SERPINI1: variants seen among roughly 807,000 people sequenced by gnomAD.
SERPINI1 encodes serpin family I member 1, also known as neuroserpin.
A neutral mutation model predicts 41.1 loss-of-function variants in SERPINI1; 19 were observed. The observed-to-expected ratio is 0.46, with a 90% CI of 0.32 to 0.68. The LOEUF is 0.68. Among genes scored for constraint, SERPINI1 ranks in the 30% least tolerant of loss-of-function variants. The pLI is 0.03. For missense variants in SERPINI1, 460 were observed against 479.2 expected (o/e 0.96, Z 0.37); for synonymous variants, 138 against 156.6 (o/e 0.88, Z 0.89).
At chr3:167,783,867 T>A (rs1727219698) in intron 1 of SERPINI1, among the ~76,000 whole-genome samples, 1 of 152,204 alleles carries the variant, frequency 6.6e-6, no homozygotes. Flanking sequence ...TAGACACGTG[T>A]GTTTCCAGAG....
At chr3:167,773,811 A>G (rs1726872150) in intron 1 of SERPINI1, among the ~76,000 whole-genome samples, 1 of 152,214 alleles carries the variant, frequency 6.6e-6, no homozygotes, top group African/African-American at 2.4e-5. Flanking sequence ...AAAAAACAAA[A>G]CAGTAAAATT....
At chr3:167,825,121 GAGGAAGGAAGGA>G (rs35943442) in intron 8 of SERPINI1, 114 bp from the exon 9 acceptor site, 8 of 736,088 alleles carry the variant, frequency 1.1e-5, no homozygotes, top group South Asian at 1.5e-5. Context: ...GGAAGGACAG[GAGGAAGGAAGGA>G]AGGAAGGAAG....
At chr3:167,760,878 A>G (rs963785242) in intron 1 of SERPINI1, among the ~76,000 whole-genome samples, 39 of 152,214 alleles carry the variant, frequency 2.6e-4, no homozygotes, top group African/African-American at 8.9e-4. Context: ...GAGTTAAACC[A>G]AATGATTATT....
At chr3:167,759,684 A>G (rs1168437982) in intron 1 of SERPINI1, among the ~76,000 whole-genome samples, 4 of 152,056 alleles carry the variant, frequency 2.6e-5, no homozygotes, top group Admixed American at 6.6e-5. Flanking sequence ...AATGTTCACT[A>G]TTTGGGTGAT....
chr3:167,771,721 T>C (rs572914606), intron 1 of SERPINI1, among the ~76,000 whole-genome samples: 1 of 152,384 alleles, frequency 6.6e-6, no homozygotes, highest in African/African-American at 2.4e-5. Context: ...TGTAGAATTA[T>C]TTGGCACAAG....
chr3:167,817,908 A>G (rs1479554902), intron 6 of SERPINI1, among the ~76,000 whole-genome samples: 1 of 149,014 alleles, frequency 6.7e-6, no homozygotes, highest in Non-Finnish European at 1.5e-5. Flanking sequence ...CAAATTTTAT[A>G]ATTTACACAT....
At chr3:167,746,907 T>G (rs1725877865) in intron 1 of SERPINI1, among the ~76,000 whole-genome samples, 1 of 152,184 alleles carries the variant, frequency 6.6e-6, no homozygotes, top group African/African-American at 2.4e-5. Flanking sequence ...AGTTAGCCTA[T>G]GACCCAGCAG....
intron 1 of SERPINI1, among the ~76,000 whole-genome samples, chr3:167,775,224 C>CT (rs1158160408): frequency 8.1e-6 from 1 of 124,074 alleles, no homozygotes; most frequent in African/African-American, 3.0e-5. Context: ...CGAAGTGTCA[C>CT]TTTATTATTA....
chr3:167,796,745 T>TTA (rs1727727597), intron 5 of SERPINI1, among the ~76,000 whole-genome samples: 2 of 152,012 alleles, frequency 1.3e-5, no homozygotes, highest in Non-Finnish European at 2.9e-5. Flanking sequence ...ATTTTTTTTT[T>TTA]ATCTGGTCTG....
chr3:167,772,429 G>A (rs911744984), intron 1 of SERPINI1, among the ~76,000 whole-genome samples: 3 of 152,030 alleles, frequency 2.0e-5, no homozygotes, highest in East Asian at 1.9e-4. Context: ...TGGGTAGCCC[G>A]CCTTGCACTT....
At chr3:167,758,729 A>G (rs1046087188) in intron 1 of SERPINI1, among the ~76,000 whole-genome samples, 9 of 152,278 alleles carry the variant, frequency 5.9e-5, no homozygotes, top group South Asian at 2.1e-4. Flanking sequence ...TATTGAAAAA[A>G]TTTAAACGAG....
intron 4 of SERPINI1, among the ~76,000 whole-genome samples, chr3:167,793,575 A>AATATATATATATATATAT (rs1198926852): frequency 1.2e-4 from 16 of 134,162 alleles, no homozygotes; most frequent in African/African-American, 4.8e-4. Flanking sequence ...TTTCTCTACA[A>AATATATATATATATATAT]ATATATATAT....
At chr3:167,757,001 A>G (rs1266027971) in intron 1 of SERPINI1, among the ~76,000 whole-genome samples, 1 of 152,264 alleles carries the variant, frequency 6.6e-6, no homozygotes, top group Non-Finnish European at 1.5e-5. Flanking sequence ...TTCAGTGAGT[A>G]ATAAAACAGC....
rs78868556 is a variant in SERPINI1, at chr3:167,806,559, T to C, written c.882-685T>C. ...AATGTTTAACTCACTCTCCATTGATTAATAGTTTTTTTGTGATGATATCAT... is the reference window on the plus strand; with the variant it reads ...AATGTTTAACTCACTCTCCATTGATCAATAGTTTTTTTGTGATGATATCAT... On this transcript the variant is annotated intron_variant, in intron 5 of 8. Coordinates refer to ENST00000446050, the MANE Select transcript of SERPINI1 (RefSeq NM_001122752.2). Among the ~76,000 whole-genome samples the C allele has an allele frequency of 1.1e-3, 160 of 152,272 alleles. 1 individual carries two copies. Among genetic ancestry groups the C allele is most frequent in the African/African-American group, 3.7e-3 (155 of 41,568 alleles).
At chr3:167,771,324 A>AT (rs34497454) in intron 1 of SERPINI1, among the ~76,000 whole-genome samples, 6 of 152,150 alleles carry the variant, frequency 3.9e-5, no homozygotes, top group East Asian at 1.9e-4. Flanking sequence ...TATAAAGATG[A>AT]TTTTTTTTAA....
chr3:167,760,561 TTGTGTGTGTGTGTGTGTGTGTG>T lies in SERPINI1; in HGVS notation c.-19+24766_-19+24787del, dbSNP rs57003321. Among the ~76,000 whole-genome samples the T allele has an allele frequency of 1.3e-3, 189 of 140,706 alleles. 1 individual carries two copies. Among genetic ancestry groups the T allele is most frequent in the African/African-American group, 4.2e-3 (162 of 38,478 alleles). The allele number at this position is 140,706 out of a possible 152,430, so 92.3% of individuals were successfully genotyped here. On this transcript the variant is annotated intron_variant, in intron 1 of 8. Coordinates refer to ENST00000446050, the MANE Select transcript of SERPINI1 (RefSeq NM_001122752.2). ...TCAGTTCTGGAAGCCTGGCTCCAAA[TTGTGTGTGTGTGTGTGTGTGTG>T]TGTGTGTGTGTGTGTGTGTGTGTGT...
intron 1 of SERPINI1, 91 bp downstream of exon 1, chr3:167,735,914 CG>C (rs1351295168): frequency 6.6e-6 from 1 of 152,114 alleles, no homozygotes; most frequent in Non-Finnish European, 1.5e-5. Context: ...TAAAAGAGTC[CG>C]CGTTGGGTTA....
chr3:167,757,794 C>A (rs918124324), intron 1 of SERPINI1, among the ~76,000 whole-genome samples: 1 of 152,136 alleles, frequency 6.6e-6, no homozygotes, highest in African/African-American at 2.4e-5. Context: ...TGGCCTGCGC[C>A]TGTAATCCCA....
chr3:167,814,880 T>C (rs1712019048), intron 6 of SERPINI1, among the ~76,000 whole-genome samples: 1 of 151,902 alleles, frequency 6.6e-6, no homozygotes, highest in African/African-American at 2.4e-5. Context: ...GGACCAGTCA[T>C]TTGGCAGCAC....
Sources: allele counts gnomAD v4.1 joint callset (sites outside exome capture counted in the v4.1 genomes callset), GRCh38; gene constraint gnomAD v4.1.1; transcripts MANE v1.5; gene names NCBI Gene and HGNC (gene_info 2026-07-23, HGNC 2026-07-21).